Variants in KCNJ16 observed in about 807,000 individuals in gnomAD.
KCNJ16 encodes inward rectifier potassium channel 16.
KCNJ16 carries 15 observed loss-of-function variants against 18.5 expected under a neutral mutation model. That is an observed-to-expected ratio of 0.81 (90% confidence interval 0.54 to 1.25). The LOEUF (loss-of-function observed/expected upper bound fraction) is 1.25, where lower values mean the gene tolerates loss of function less well. KCNJ16 is among the 50% of genes most tolerant of loss of function. KCNJ16 has a pLI of 0.00. For synonymous variants in KCNJ16, 174 were observed against 186.5 expected (o/e 0.93, Z 0.55); for missense variants, 523 against 525.7 (o/e 0.99, Z 0.05).
intron 2 of KCNJ16, among the ~76,000 whole-genome samples, chr17:70,111,339 C>A (rs1490168930): frequency 1.3e-5 from 2 of 151,970 alleles, no homozygotes; most frequent in Admixed American, 1.3e-4. Flanking sequence ...GCACTGAGCC[C>A]CAAAAAGAGG....
chr17:70,079,859 T>C (rs566308005), intron 1 of KCNJ16, among the ~76,000 whole-genome samples: 2 of 152,064 alleles, frequency 1.3e-5, no homozygotes, highest in East Asian at 3.9e-4. Context: ...CCCACCACCA[T>C]GCCTGGCTAT....
intron 1 of KCNJ16, among the ~76,000 whole-genome samples, chr17:70,091,052 A>G (rs1598101039): frequency 6.6e-6 from 1 of 152,220 alleles, no homozygotes; most frequent in East Asian, 1.9e-4. Flanking sequence ...TCTTTCTCCC[A>G]TCTGGAGAAT....
At chr17:70,097,162 G>A (rs1339382561) in intron 1 of KCNJ16, among the ~76,000 whole-genome samples, 1 of 152,134 alleles carries the variant, frequency 6.6e-6, no homozygotes, top group African/African-American at 2.4e-5. Flanking sequence ...CCCCAAACGA[G>A]ACATGACCTC....
intron 2 of KCNJ16, among the ~76,000 whole-genome samples, chr17:70,108,884 T>C (rs939287886): frequency 1.3e-5 from 2 of 152,158 alleles, no homozygotes; most frequent in Admixed American, 6.5e-5. Flanking sequence ...ATTTCCCTGC[T>C]TGTGAGTTTC....
At chr17:70,076,132 T>C (rs558423108) in intron 1 of KCNJ16, among the ~76,000 whole-genome samples, 1 of 152,302 alleles carries the variant, frequency 6.6e-6, no homozygotes, top group African/African-American at 2.4e-5. Flanking sequence ...AACAATAACA[T>C]TTCTATAAGC....
At chr17:70,101,619 A>T (rs2072625391) in intron 2 of KCNJ16, 1 of 151,516 alleles carries the variant, frequency 6.6e-6, no homozygotes, top group Admixed American at 6.6e-5. Flanking sequence ...TCGCTCTGTC[A>T]CCCAGGCTGG....
chr17:70,096,349 C>T (rs866859800), intron 1 of KCNJ16, among the ~76,000 whole-genome samples: 2 of 152,198 alleles, frequency 1.3e-5, no homozygotes, highest in South Asian at 4.2e-4. Context: ...GTCCATTTTG[C>T]CCTTATTCAC....
chr17:70,125,042 G>A (rs1318410437), intron 2 of KCNJ16, among the ~76,000 whole-genome samples: 1 of 152,080 alleles, frequency 6.6e-6, no homozygotes, highest in Admixed American at 6.6e-5. Flanking sequence ...GAGGCTGGAG[G>A]ATTGCTTGAG....
chr17:70,125,618 A>G (rs995213741), intron 2 of KCNJ16, among the ~76,000 whole-genome samples: 21 of 152,110 alleles, frequency 1.4e-4, no homozygotes, highest in African/African-American at 4.8e-4. Flanking sequence ...GAGTAAAGTG[A>G]AAAAAAGTTA....
intron 2 of KCNJ16, among the ~76,000 whole-genome samples, chr17:70,121,363 C>A (rs1598167378): frequency 1.3e-5 from 2 of 152,226 alleles, no homozygotes; most frequent in South Asian, 4.2e-4. Flanking sequence ...TGGCTGTATT[C>A]CAATAAAACT....
intron 2 of KCNJ16, among the ~76,000 whole-genome samples, chr17:70,104,448 T>C (rs1187347542): frequency 6.6e-6 from 1 of 152,108 alleles, no homozygotes; most frequent in African/African-American, 2.4e-5. Flanking sequence ...CCAAATGAAA[T>C]GATGTTGGGC....
intron 2 of KCNJ16, among the ~76,000 whole-genome samples, chr17:70,116,182 A>C (rs1439096711): frequency 6.6e-6 from 1 of 152,174 alleles, no homozygotes; most frequent in African/African-American, 2.4e-5. Flanking sequence ...ATTTAAACTT[A>C]AAAAATTTTA....
intron 2 of KCNJ16, among the ~76,000 whole-genome samples, chr17:70,110,233 G>C (rs1378250196): frequency 6.6e-6 from 1 of 151,500 alleles, no homozygotes; most frequent in African/African-American, 2.4e-5. Flanking sequence ...TTTTTGTTTT[G>C]GGTCACTCTT....
At chr17:70,079,380 T>A (rs2071452506) in intron 1 of KCNJ16, among the ~76,000 whole-genome samples, 1 of 152,196 alleles carries the variant, frequency 6.6e-6, no homozygotes, top group Non-Finnish European at 1.5e-5. Context: ...AGTCTACAGA[T>A]GAGAAATGTT....
intron 2 of KCNJ16, among the ~76,000 whole-genome samples, chr17:70,111,766 T>G (rs1296397467): frequency 1.3e-5 from 2 of 152,074 alleles, no homozygotes; most frequent in Non-Finnish European, 1.5e-5. Flanking sequence ...CGAGAGCTGA[T>G]GGTTTTATAA....
intron 2 of KCNJ16, among the ~76,000 whole-genome samples, chr17:70,110,993 T>C (rs1290417079): frequency 6.6e-6 from 1 of 152,076 alleles, no homozygotes; most frequent in African/African-American, 2.4e-5. Context: ...GGAGAGTGAG[T>C]AGATGCATCT....
At position 70,133,408 on chromosome 17, in the gene KCNJ16, G is replaced by T; in HGVS notation, c.*64G>T. On this transcript the variant is annotated 3_prime_UTR_variant, in exon 4 of 4. Transcript: ENST00000392671. ...TTATCTTTCAGCCAATCAAGTCGTT[G>T]TAAACGTGGCTTTTTTGAAAGTGTT... 1 of 1,443,174 alleles carries T rather than the reference G, an allele frequency of 6.9e-7. No individual in the cohort carries two copies. 89.4% of individuals were successfully genotyped at this position (1,443,174 alleles called of 1,614,324 possible).
rs67337513 is a variant in KCNJ16 at position 70,092,539 on chromosome 17, T to TAG, written c.-299-8118_-299-8117insGA. On this transcript the variant is annotated intron_variant, in intron 1 of 3. Coordinates refer to ENST00000392671, the MANE Select transcript of KCNJ16 (RefSeq NM_170741.4). ...ATAGATAGATACATAGACAGATAGA[T>TAG]ATAGATAGATATAGATAGATGATAG... Among the ~76,000 whole-genome samples the TAG allele has an allele frequency of 6.0e-3, 633 of 105,998 alleles. 7 individuals carry two copies. The highest frequency in any genetic ancestry group is 0.01 in the East Asian group (35 of 3,438). The allele number at this position is 105,998 out of a possible 152,430, so 69.5% of individuals were successfully genotyped here.
intron 2 of KCNJ16, among the ~76,000 whole-genome samples, chr17:70,103,194 ATGTGTATATATATTTT>A (rs1408588991): frequency 6.9e-6 from 1 of 144,882 alleles, no homozygotes. Flanking sequence ...ATAAATATAT[ATGTGTATATATATTTT>A]TGTGTATATA....
Sources: allele counts gnomAD v4.1 joint callset (sites outside exome capture counted in the v4.1 genomes callset), GRCh38; gene constraint gnomAD v4.1.1; transcripts MANE v1.5; gene names NCBI Gene and HGNC (gene_info 2026-07-23, HGNC 2026-07-21).